Variants in KCNMA1 observed in about 807,000 individuals in gnomAD.
The protein encoded by KCNMA1 is Calcium-activated potassium channel subunit alpha-1.
In KCNMA1, 29 loss-of-function variants were observed where a neutral mutation model predicts 140.0. The ratio of observed to expected loss-of-function variants is 0.21; its 90% CI spans 0.15 to 0.28. The LOEUF (loss-of-function observed/expected upper bound fraction) is 0.28, where lower values mean the gene tolerates loss of function less well. Ranked by LOEUF, KCNMA1 falls within the 10% of genes least tolerant of loss-of-function variation. The pLI, the probability that KCNMA1 is intolerant of heterozygous loss-of-function variation, is 1.00. For missense variants in KCNMA1, 880 were observed against 1,602.2 expected, an observed-to-expected ratio of 0.55 and a Z score of 7.70; for synonymous variants, 612 against 611.9, an observed-to-expected ratio of 1.00 and a Z score of 0.00.
At chr10:77,132,468 A>T (rs1473373992) in intron 5 of KCNMA1, among the ~76,000 whole-genome samples, 2 of 152,188 alleles carry the variant, frequency 1.3e-5, no homozygotes, top group Non-Finnish European at 2.9e-5. Context: ...CTAGACCGAA[A>T]GAATGACCTG....
chr10:77,232,484 T>C (rs1337130743), intron 3 of KCNMA1, among the ~76,000 whole-genome samples: 1 of 152,208 alleles, frequency 6.6e-6, no homozygotes, highest in Non-Finnish European at 1.5e-5. Context: ...CTCACCATGG[T>C]TTTGATTTGC....
chr10:77,570,595 G>A (rs924053980), intron 1 of KCNMA1, among the ~76,000 whole-genome samples: 9 of 99,502 alleles, frequency 9.0e-5, no homozygotes, highest in Admixed American at 4.9e-4. Flanking sequence ...TGTGGGGTAG[G>A]GGGAGGGGGG....
In KCNMA1 at chr10:77,592,014, A is replaced by G. The variant is rs1306485916; in HGVS notation, c.378+45251T>C. ...GGAGTTCAGTCTCATTCGTTCGCCC[A>G]GCAAATATTGACTGAGCATGGGTGC... On this transcript the variant is annotated intron_variant, in intron 1 of 27. Transcript: ENST00000286628. Among the ~76,000 whole-genome samples, 3 of 152,212 alleles carry G rather than the reference A, an allele frequency of 2.0e-5. No individual in the cohort carries two copies. In the East Asian group the frequency reaches 5.8e-4, roughly 29 times the overall value.
intron 8 of KCNMA1, among the ~76,000 whole-genome samples, chr10:77,109,806 G>A (rs559776782): frequency 1.3e-5 from 2 of 152,268 alleles, no homozygotes; most frequent in South Asian, 2.1e-4. Flanking sequence ...ACAAAGTATC[G>A]ACAGCTTCTA....
At chr10:77,329,157 T>G (rs2085352499) in intron 2 of KCNMA1, among the ~76,000 whole-genome samples, 1 of 152,134 alleles carries the variant, frequency 6.6e-6, no homozygotes, top group Admixed American at 6.5e-5. Flanking sequence ...ATCTATATTT[T>G]TAGTCATTGG....
chr10:76,913,861 G>A (rs566012183), intron 24 of KCNMA1: 2 of 563,862 alleles, frequency 3.5e-6, no homozygotes, highest in South Asian at 4.8e-5. Context: ...ATGCTGTGTG[G>A]GGAAAAAATC....
chr10:77,247,215 T>C (rs994207847), intron 3 of KCNMA1, among the ~76,000 whole-genome samples: 4 of 152,190 alleles, frequency 2.6e-5, no homozygotes, highest in African/African-American at 7.2e-5. Context: ...TTCACACATG[T>C]GAGTCATCCT....
intron 21 of KCNMA1, among the ~76,000 whole-genome samples, chr10:76,952,912 C>T (rs1179473386): frequency 1.3e-5 from 2 of 152,198 alleles, no homozygotes. Context: ...AGAAAGAACC[C>T]TTCCATCTGA....
intron 23 of KCNMA1, among the ~76,000 whole-genome samples, chr10:76,941,691 G>A (rs2062471708): frequency 6.6e-6 from 1 of 152,172 alleles, no homozygotes; most frequent in Non-Finnish European, 1.5e-5. Flanking sequence ...CTGCTGACCA[G>A]GGGTCTACGA....
Position 77,091,094 on chromosome 10 carries a change from A to G in KCNMA1, c.1224-584T>C, listed in dbSNP as rs370659925. On this transcript the variant is annotated intron_variant, in intron 9 of 27. Coordinates refer to ENST00000286628, the MANE Select transcript of KCNMA1 (RefSeq NM_001161352.2). The stretch of plus-strand genomic sequence containing the variant: ...TTTTTCCACTATAACTCCTCCGACA[A>G]TGGGGGCATGTAACACTTTACAGTA... 1.0e-3 allele frequency: 168 copies of G among 164,264 alleles called. 6 individuals are homozygous for G. In the South Asian group the frequency reaches 0.026, roughly 25 times the overall value. The allele number at this position is 164,264 out of a possible 1,614,324, so 10.2% of individuals were successfully genotyped here.
intron 3 of KCNMA1, among the ~76,000 whole-genome samples, chr10:77,215,472 T>A (rs1432126270): frequency 6.6e-6 from 1 of 151,986 alleles, no homozygotes; most frequent in African/African-American, 2.4e-5. Flanking sequence ...ATTGTTTTAC[T>A]TATTTACAGT....
chr10:77,264,055 C>T (rs966453282), intron 2 of KCNMA1, among the ~76,000 whole-genome samples: 13 of 152,118 alleles, frequency 8.5e-5, no homozygotes, highest in African/African-American at 3.1e-4. Context: ...AGATAGCATC[C>T]CTCATGCTCA....
intron 3 of KCNMA1, among the ~76,000 whole-genome samples, chr10:77,208,029 T>C (rs979698631): frequency 1.3e-5 from 2 of 152,226 alleles, no homozygotes; most frequent in Admixed American, 6.5e-5. Context: ...ATTTGGAAAA[T>C]AGCTTTGGCT....
intron 2 of KCNMA1, among the ~76,000 whole-genome samples, chr10:77,289,550 G>A (rs2072405358): frequency 6.6e-6 from 1 of 152,142 alleles, no homozygotes; most frequent in South Asian, 2.1e-4. Flanking sequence ...ACCCTGCCAA[G>A]CTTGTACAAG....
chr10:77,239,126 A>T (rs1815821785), intron 3 of KCNMA1, among the ~76,000 whole-genome samples: 1 of 152,198 alleles, frequency 6.6e-6, no homozygotes, highest in Non-Finnish European at 1.5e-5. Context: ...CCTTTCAATT[A>T]TTAATGCTGT....
Position 76,885,069 on chromosome 10 carries a change from A to G in KCNMA1, c.*2197T>C, listed in dbSNP as rs1349696674. 6.5e-7 allele frequency: 1 copy of G among 1,545,616 alleles called. No individual in the cohort carries two copies. Among genetic ancestry groups the G allele is most frequent in the Non-Finnish European group, 8.7e-7 (1 of 1,145,074 alleles). On this transcript the variant is annotated 3_prime_UTR_variant, in exon 28 of 28. Transcript: ENST00000286628. ...AGTTTTACAATGCTTTTAAACTGTC[A>G]TATTTCCTGTTGAGCACTTTAACTG...
At chr10:77,506,596 A>AGAGAGAGAGAGAGAGTGTGT in intron 1 of KCNMA1, among the ~76,000 whole-genome samples, 52 of 83,540 alleles carry the variant, frequency 6.2e-4, no homozygotes, top group Non-Finnish European at 8.7e-4. Context: ...AGAGAGAGAG[A>AGAGAGAGAGAGAGAGTGTGT]GTGTGTGTGT....
chr10:77,158,306 C>A (rs141963712), intron 5 of KCNMA1, among the ~76,000 whole-genome samples: 1 of 152,286 alleles, frequency 6.6e-6, no homozygotes, highest in East Asian at 1.9e-4. Flanking sequence ...CTTTGATCCT[C>A]ACAGTAACTC....
intron 1 of KCNMA1, among the ~76,000 whole-genome samples, chr10:77,553,221 T>C (rs1170366397): frequency 3.9e-5 from 6 of 152,218 alleles, no homozygotes; most frequent in Admixed American, 3.3e-4. Flanking sequence ...TATAACTTTT[T>C]CTTCTTTTTT....
Sources: gnomAD v4.1 joint callset for allele counts (sites outside exome capture counted in the v4.1 genomes callset) on GRCh38, gnomAD v4.1.1 for gene constraint, MANE v1.5 for transcripts, NCBI Gene and HGNC (gene_info 2026-07-23, HGNC 2026-07-21) for gene names.